STX8: variants seen among roughly 807,000 people sequenced by gnomAD.
STX8 encodes syntaxin 8, also known as syntaxin-8.
STX8 carries 23 observed loss-of-function variants against 37.5 expected under a neutral mutation model. The observed-to-expected ratio is 0.61, with a 90% CI of 0.44 to 0.87. The LOEUF (loss-of-function observed/expected upper bound fraction) is 0.87. Among genes scored for constraint, STX8 ranks in the 40% least tolerant of loss-of-function variants. The probability of loss-of-function intolerance (pLI) is 0.00; values close to 1 mark genes in which losing one functional copy is unlikely to be tolerated. For missense variants in STX8, 313 were observed against 284.7 expected (o/e 1.10, Z -0.71); for synonymous variants, 115 against 99.1 (o/e 1.16, Z -0.95).
chr17:9,501,971 AAAAC>A lies in STX8; in HGVS notation c.448+3063_448+3066del, dbSNP rs960274052. ...GCGACAGAGCAAGACTCTGTCTCAA[AAAAC>A]AAACAAACAAACCAAACATGATGAG... On this transcript the variant is annotated intron_variant, in intron 5 of 7. Transcript: ENST00000306357. Among the ~76,000 whole-genome samples the A allele has an allele frequency of 6.6e-5, 10 of 152,304 alleles. No individual in the cohort carries two copies. In the East Asian group the frequency reaches 9.7e-4, roughly 15 times the overall value.
chr17:9,320,855 C>T (rs989073300), intron 7 of STX8, among the ~76,000 whole-genome samples: 6 of 146,526 alleles, frequency 4.1e-5, no homozygotes, highest in African/African-American at 1.5e-4. Context: ...GAGCCAAGAT[C>T]ATGCCACTGC....
intron 5 of STX8, among the ~76,000 whole-genome samples, chr17:9,503,640 A>C (rs1377500679): frequency 6.6e-6 from 1 of 152,164 alleles, no homozygotes; most frequent in Non-Finnish European, 1.5e-5. Context: ...CCAAAGTGTC[A>C]GGAGTACAGG....
intron 7 of STX8, among the ~76,000 whole-genome samples, chr17:9,301,849 T>G (rs936635226): frequency 6.6e-6 from 1 of 152,170 alleles, no homozygotes; most frequent in Admixed American, 6.5e-5. Flanking sequence ...GGTAGGGCAT[T>G]TTAGGGTAAC....
At chr17:9,341,292 G>A (rs1050711746) in intron 7 of STX8, among the ~76,000 whole-genome samples, 3 of 152,000 alleles carry the variant, frequency 2.0e-5, no homozygotes, top group Non-Finnish European at 4.4e-5. Flanking sequence ...TTCTATGCCC[G>A]CCTGGCCTCC....
chr17:9,549,849 T>C (rs1211606938), intron 3 of STX8, among the ~76,000 whole-genome samples: 4 of 152,086 alleles, frequency 2.6e-5, no homozygotes, highest in Non-Finnish European at 5.9e-5. Context: ...ACAGCATGTA[T>C]GTGGACAGGT....
intron 6 of STX8, among the ~76,000 whole-genome samples, chr17:9,390,821 A>T (rs62067146): frequency 0.098 from 13,506 of 137,202 alleles, 885 homozygotes; most frequent in Middle Eastern, 0.2. Flanking sequence ...TGGGCGACAG[A>T]GCGAGACTCC....
At chr17:9,452,876 G>A (rs1341830432) in intron 6 of STX8, among the ~76,000 whole-genome samples, 4 of 151,416 alleles carry the variant, frequency 2.6e-5, no homozygotes, top group East Asian at 1.9e-4. Context: ...GCGTGATCTC[G>A]GCTCACTGCA....
At chr17:9,392,522 A>G (rs747179373) in intron 6 of STX8, among the ~76,000 whole-genome samples, 8 of 152,094 alleles carry the variant, frequency 5.3e-5, no homozygotes, top group Non-Finnish European at 1.0e-4. Flanking sequence ...AAGGAGAATC[A>G]CTTGAGCCCA....
At chr17:9,499,605 G>A (rs944305496) in intron 5 of STX8, among the ~76,000 whole-genome samples, 7 of 152,134 alleles carry the variant, frequency 4.6e-5, no homozygotes, top group African/African-American at 1.7e-4. Flanking sequence ...TCACCATGTT[G>A]GCCAGGATGG....
rs116686904 is a variant in STX8 at position 9,261,573 on chromosome 17, G to A, written c.644-10928C>T. ...GTGTAAAAACTCTGCCGCTATTGTC[G>A]CTTCCTGCACAGAAAGTGCTGAATA... On this transcript the variant is annotated intron_variant, in intron 7 of 7. Transcript: ENST00000306357. Among the ~76,000 whole-genome samples the A allele has an allele frequency of 2.5e-3, 376 of 152,204 alleles. 3 individuals carry two copies. The highest frequency in any genetic ancestry group is 8.5e-3 in the African/African-American group (352 of 41,546).
rs760302355 is a variant in STX8, at chr17:9,568,408, CGTT to C, written c.77_79del (p.Gln26del). Reference sequence around the variant, plus strand: ...TTCACCTTTTCTTTCATATTGATTTCGTTGTTGAATTTTCTCAGCAATTTCTTG... The same window carrying C: ...TTCACCTTTTCTTTCATATTGATTTCGTTGAATTTTCTCAGCAATTTCTTG... On this transcript the variant is annotated inframe_deletion, in exon 2 of 8. Coordinates refer to ENST00000306357, the MANE Select transcript of STX8 (RefSeq NM_004853.3). The C allele has an allele frequency of 4.3e-6, 7 of 1,612,370 alleles. No individual in the cohort carries two copies. The highest frequency in any genetic ancestry group is 5.9e-6 in the Non-Finnish European group (7 of 1,179,764).
At chr17:9,361,080 T>G (rs1911045879) in intron 7 of STX8, among the ~76,000 whole-genome samples, 1 of 152,154 alleles carries the variant, frequency 6.6e-6, no homozygotes, top group Non-Finnish European at 1.5e-5. Context: ...TTAACGCTGG[T>G]TCAATGACTG....
intron 5 of STX8, among the ~76,000 whole-genome samples, chr17:9,496,691 C>G (rs987627854): frequency 6.6e-6 from 1 of 152,140 alleles, no homozygotes; most frequent in African/African-American, 2.4e-5. Context: ...GGGGGATTAG[C>G]CTGGATTATC....
intron 6 of STX8, among the ~76,000 whole-genome samples, chr17:9,454,683 A>T (rs1905137869): frequency 6.7e-6 from 1 of 149,014 alleles, no homozygotes; most frequent in Non-Finnish European, 1.5e-5. Flanking sequence ...GTCTCAAAAA[A>T]AAAAAAACAA....
At chr17:9,403,480 A>G (rs1413446986) in intron 6 of STX8, among the ~76,000 whole-genome samples, 1 of 152,174 alleles carries the variant, frequency 6.6e-6, no homozygotes, top group Non-Finnish European at 1.5e-5. Flanking sequence ...ACTTACTTCA[A>G]GTTAGATTAA....
chr17:9,361,556 G>A (rs1381307028), intron 7 of STX8, among the ~76,000 whole-genome samples: 2 of 152,156 alleles, frequency 1.3e-5, no homozygotes, highest in African/African-American at 2.4e-5. Flanking sequence ...CAATCAATGT[G>A]GCCAACAGAG....
At chr17:9,455,560 G>A (rs1905163828) in intron 6 of STX8, among the ~76,000 whole-genome samples, 1 of 151,920 alleles carries the variant, frequency 6.6e-6, no homozygotes, top group Non-Finnish European at 1.5e-5. Context: ...AGGCTTTGGT[G>A]GCTACAAGAA....
intron 5 of STX8, among the ~76,000 whole-genome samples, chr17:9,498,345 G>C (rs186582453): frequency 1.3e-5 from 2 of 149,804 alleles, no homozygotes; most frequent in African/African-American, 4.9e-5. Context: ...AGTTGAGATC[G>C]CACCACTGCA....
At chr17:9,416,044 G>GTTGGGGTATAATAAAAAA (rs1913180063) in intron 6 of STX8, among the ~76,000 whole-genome samples, 1 of 152,188 alleles carries the variant, frequency 6.6e-6, no homozygotes, top group Non-Finnish European at 1.5e-5. Context: ...ACTCCAGGCA[G>GTTGGGGTATAATAAAAAA]TCATTTCCCT....
Sources: allele counts gnomAD v4.1 joint callset (sites outside exome capture counted in the v4.1 genomes callset), GRCh38; gene constraint gnomAD v4.1.1; transcripts MANE v1.5; gene names NCBI Gene and HGNC (gene_info 2026-07-23, HGNC 2026-07-21).